THSD7A: variants seen among roughly 807,000 people sequenced by gnomAD.
THSD7A encodes the protein thrombospondin type 1 domain containing 7A.
A neutral mutation model predicts 231.3 loss-of-function variants in THSD7A; 96 were observed. The observed-to-expected ratio is 0.41, with a 90% confidence interval of 0.35 to 0.49. The LOEUF (loss-of-function observed/expected upper bound fraction) is 0.49. Ranked by LOEUF, THSD7A falls within the 20% of genes least tolerant of loss-of-function variation. THSD7A has a pLI of 0.05. For missense variants in THSD7A, 2,290 were observed against 2,070.2 expected (o/e 1.11, Z -2.06); for synonymous variants, 940 against 743.3 (o/e 1.26, Z -4.30).
Position 11,411,228 on chromosome 7 carries a change from A to G in THSD7A, c.3777T>C (p.Val1259=). The G allele has an allele frequency of 6.2e-7, 1 of 1,613,666 alleles. No individual in the cohort carries two copies. ...LDCVRSDGKS[V]DLKYCEALGL... ...CTACCGCTTCACAATATTTCAGGTC[A>G]ACTGACTTGCCATCACTTCGAACAC... The change falls in exon 19 of 28, where the codon GTT becomes GTC. Residue 1259 remains valine, a synonymous_variant. Transcript: ENST00000423059. The surrounding 1 kb of genome is among the most constrained non-coding windows in gnomAD (Gnocchi z 4.1).
intron 4 of THSD7A, among the ~76,000 whole-genome samples, chr7:11,584,192 G>A (rs1791292738): frequency 6.6e-6 from 1 of 152,060 alleles, no homozygotes; most frequent in South Asian, 2.1e-4. Flanking sequence ...AGCCTTGCTG[G>A]TTTGTTCTGG....
intron 2 of THSD7A, among the ~76,000 whole-genome samples, chr7:11,614,091 G>A (rs950781709): frequency 3.9e-5 from 6 of 152,068 alleles, no homozygotes; most frequent in African/African-American, 1.4e-4. Context: ...AGTGAAGTTG[G>A]GATGTTTTAA....
intron 11 of THSD7A, among the ~76,000 whole-genome samples, chr7:11,448,052 TC>T (rs1314651352): frequency 1.3e-5 from 2 of 152,066 alleles, no homozygotes; most frequent in Non-Finnish European, 2.9e-5. Flanking sequence ...AATGTCAAAG[TC>T]CTCCATCTCC....
intron 13 of THSD7A, among the ~76,000 whole-genome samples, chr7:11,434,624 A>G (rs575720227): frequency 1.1e-4 from 16 of 152,236 alleles, no homozygotes; most frequent in Admixed American, 7.9e-4. Flanking sequence ...TCTCTCTGAA[A>G]CATCTGGATT....
At chr7:11,598,041 A>G (rs886982574) in intron 2 of THSD7A, among the ~76,000 whole-genome samples, 1 of 152,156 alleles carries the variant, frequency 6.6e-6, no homozygotes, top group African/African-American at 2.4e-5. Context: ...CTGCAGCACT[A>G]AGCCCCTTTC....
intron 23 of THSD7A, among the ~76,000 whole-genome samples, chr7:11,394,180 C>T (rs1402792710): frequency 6.6e-6 from 1 of 152,340 alleles, no homozygotes; most frequent in Non-Finnish European, 1.5e-5. Flanking sequence ...CTGCAGAAAT[C>T]CTACGAGCCA....
chr7:11,487,265 A>G (rs1786697101), intron 6 of THSD7A, among the ~76,000 whole-genome samples: 1 of 152,124 alleles, frequency 6.6e-6, no homozygotes. Context: ...GCTCAAGATA[A>G]TTACTATAAA....
intron 1 of THSD7A, among the ~76,000 whole-genome samples, chr7:11,666,259 A>G (rs1783127151): frequency 6.6e-6 from 1 of 152,108 alleles, no homozygotes; most frequent in Non-Finnish European, 1.5e-5. Flanking sequence ...TCTTGGTGGT[A>G]GAACCCATGT....
At chr7:11,420,448 G>A (rs1426421971) in intron 16 of THSD7A, among the ~76,000 whole-genome samples, 1 of 152,256 alleles carries the variant, frequency 6.6e-6, no homozygotes, top group South Asian at 2.1e-4. Flanking sequence ...GCTTCCACAT[G>A]GTGTTGGGCC....
At chr7:11,664,809 A>T (rs753576036) in intron 1 of THSD7A, among the ~76,000 whole-genome samples, 55 of 152,082 alleles carry the variant, frequency 3.6e-4, no homozygotes, top group Non-Finnish European at 6.6e-4. Flanking sequence ...TTTCCTTTAA[A>T]CACCATCCAT....
chr7:11,829,809 A>T (rs1343373470), intron 1 of THSD7A, among the ~76,000 whole-genome samples: 1 of 152,126 alleles, frequency 6.6e-6, no homozygotes, highest in Non-Finnish European at 1.5e-5. Context: ...TGGTAAAAAA[A>T]AAAAAATAAA....
chr7:11,527,972 G>A (rs1027502906), intron 6 of THSD7A, among the ~76,000 whole-genome samples: 2 of 151,830 alleles, frequency 1.3e-5, no homozygotes, highest in African/African-American at 4.9e-5. Context: ...GGGCCATAGA[G>A]TAAGACTTTG....
At chr7:11,579,003 AT>A (rs1001747989) in intron 4 of THSD7A, among the ~76,000 whole-genome samples, 4 of 138,456 alleles carry the variant, frequency 2.9e-5, no homozygotes, top group African/African-American at 1.1e-4. Flanking sequence ...TTCAATGTGC[AT>A]TTTTTTCTTA....
At chr7:11,433,327 A>T (rs1436905069) in intron 13 of THSD7A, among the ~76,000 whole-genome samples, 3 of 151,990 alleles carry the variant, frequency 2.0e-5, no homozygotes, top group Non-Finnish European at 4.4e-5. Context: ...ATTGACCTAA[A>T]ATAGTATGAG....
intron 1 of THSD7A, among the ~76,000 whole-genome samples, chr7:11,774,881 C>A (rs138550084): frequency 2.6e-5 from 4 of 152,076 alleles, no homozygotes; most frequent in African/African-American, 4.8e-5. Flanking sequence ...ATGGCGAAAC[C>A]TTGTCTCTAC....
intron 6 of THSD7A, among the ~76,000 whole-genome samples, chr7:11,525,811 C>G (rs1788449212): frequency 6.6e-6 from 1 of 151,946 alleles, no homozygotes; most frequent in South Asian, 2.1e-4. Flanking sequence ...GTATATAAAC[C>G]CATAAAAGGT....
chr7:11,740,693 T>C (rs1220972512), intron 1 of THSD7A, among the ~76,000 whole-genome samples: 2 of 151,952 alleles, frequency 1.3e-5, no homozygotes, highest in African/African-American at 2.4e-5. Context: ...AGTGTTTATA[T>C]ACCTTCTCCC....
chr7:11,758,470 A>G (rs185636459), intron 1 of THSD7A, among the ~76,000 whole-genome samples: 4 of 152,014 alleles, frequency 2.6e-5, no homozygotes, highest in African/African-American at 4.8e-5. Context: ...CCAGAGGTAT[A>G]TTTTTGTTCA....
chr7:11,774,989 G>A (rs1249002201), intron 1 of THSD7A, among the ~76,000 whole-genome samples: 1 of 151,962 alleles, frequency 6.6e-6, no homozygotes, highest in Non-Finnish European at 1.5e-5. Flanking sequence ...CAGGAGGCAG[G>A]GGTTGCAGTG....
Sources: gnomAD v4.1 joint callset for allele counts (sites outside exome capture counted in the v4.1 genomes callset) on GRCh38, gnomAD v4.1.1 for gene constraint, Gnocchi (gnomAD v3.1) non-coding constraint, MANE v1.5 for transcripts, NCBI Gene and HGNC (gene_info 2026-07-23, HGNC 2026-07-21) for gene names.